GFM1: variants seen among roughly 807,000 people sequenced by gnomAD.
The protein encoded by GFM1 is elongation factor G, mitochondrial.
A neutral mutation model predicts 96.2 loss-of-function variants in GFM1; 62 were observed. That is an observed-to-expected ratio of 0.64 (90% CI 0.53 to 0.80). GFM1 has a LOEUF of 0.80. Ranked by LOEUF, GFM1 falls within the 30% of genes least tolerant of loss-of-function variation. The pLI, the probability that GFM1 is intolerant of heterozygous loss-of-function variation, is 0.00. For missense variants in GFM1, 852 were observed against 916.6 expected (o/e 0.93, Z 0.91); for synonymous variants, 282 against 312.9 (o/e 0.90, Z 1.04).
At chr3:158,672,563 G>C in intron 13 of GFM1, 1 of 1,554,404 alleles carries the variant, frequency 6.4e-7, no homozygotes, top group Non-Finnish European at 8.8e-7. Context: ...GCTTGCTGCT[G>C]GGTCCGGTTG....
intron 11 of GFM1, among the ~76,000 whole-genome samples, chr3:158,664,831 A>T (rs16829273): frequency 1.3e-5 from 2 of 152,050 alleles, no homozygotes; most frequent in Non-Finnish European, 2.9e-5. Flanking sequence ...ATTACATGGC[A>T]TCTAAGGAGA....
At position 158,672,399 on chromosome 3, in the gene GFM1, G is replaced by A. The variant is rs371457216; in HGVS notation, c.1601+6013G>A. On this transcript the variant is annotated intron_variant, in intron 13 of 17. Transcript: ENST00000486715. ...CTGCACCTCAAACACCCTGTGCGGGGTCCCCTGCTGGTAGTTGATGTAGTT... is the reference window on the plus strand; with the variant it reads ...CTGCACCTCAAACACCCTGTGCGGGATCCCCTGCTGGTAGTTGATGTAGTT... 4.0e-5 allele frequency: 64 copies of A among 1,613,964 alleles called. No individual in the cohort carries two copies. The African/African-American group carries it at 6.5e-4, about 16-fold the overall frequency.
chr3:158,684,117 C>T (rs9862964), intron 14 of GFM1, among the ~76,000 whole-genome samples: 4 of 151,944 alleles, frequency 2.6e-5, no homozygotes, highest in African/African-American at 9.7e-5. Context: ...AACCAAATAC[C>T]ACATGTTCTC....
At chr3:158,655,985 G>C (rs1264975443) in intron 8 of GFM1, 3 of 451,266 alleles carry the variant, frequency 6.6e-6, no homozygotes, top group Non-Finnish European at 1.3e-5. Context: ...CAGCTCTTTT[G>C]TAGAGTGTCC....
intron 13 of GFM1, among the ~76,000 whole-genome samples, chr3:158,675,309 AAC>A (rs1724793143): frequency 2.5e-5 from 2 of 79,958 alleles, no homozygotes; most frequent in African/African-American, 1.1e-4. Context: ...AAAAAAAAAA[AAC>A]AAGTTTTCAA....
chr3:158,666,289 C>G lies in GFM1; in HGVS notation c.1519-15C>G. ...TTTTTTTAAATTTAAATAATATTTT[C>G]CCCACTCTTTTTAGAGGCTGGAAAG... On this transcript the variant is annotated splice_polypyrimidine_tract_variant and intron_variant, in intron 12 of 17. Coordinates refer to ENST00000486715, the MANE Select transcript of GFM1 (RefSeq NM_024996.7). The G allele has an allele frequency of 6.3e-7, 1 of 1,592,758 alleles. No individual in the cohort carries two copies. Among genetic ancestry groups the G allele is most frequent in the Non-Finnish European group, 8.6e-7 (1 of 1,161,730 alleles).
chr3:158,662,667 A>G lies in GFM1; in HGVS notation c.1363A>G (p.Met455Val), dbSNP rs769036266. ...HVPDPVISIA[M>V]KPSNKNDLEK... ...TCCTGATCCTGTCATTTCAATAGCA[A>G]TGAAGCCTTCTAACAAGGTAGGAGT... Residue 455 changes from methionine to valine, a missense_variant, in exon 11 of 18, where the codon ATG becomes GTG. Physicochemically the swap from Met to Val is conservative, Grantham distance 21. Transcript: ENST00000486715. The G allele has an allele frequency of 4.4e-6, 7 of 1,597,192 alleles. No homozygotes were observed. The highest frequency in any genetic ancestry group is 1.7e-5 in the Admixed American group (1 of 59,956).
intron 6 of GFM1, among the ~76,000 whole-genome samples, chr3:158,652,774 T>G (rs1037495359): frequency 1.3e-5 from 2 of 152,248 alleles, no homozygotes; most frequent in African/African-American, 4.8e-5. Context: ...GTTAAATGTT[T>G]CGTAATAGAG....
chr3:158,672,547 C>T, intron 13 of GFM1: 1 of 1,589,514 alleles, frequency 6.3e-7, no homozygotes, highest in Non-Finnish European at 8.6e-7. Context: ...GAGCGCCGCC[C>T]GTCCTGCTTG....
intron 8 of GFM1, 64 bp from the exon 9 acceptor site, chr3:158,658,858 C>T (rs898741524): frequency 3.2e-6 from 5 of 1,568,686 alleles, no homozygotes; most frequent in Admixed American, 1.7e-5. Flanking sequence ...TGAAGCTTTC[C>T]TCAATACTTT....
rs1162985921 is a variant in GFM1, at chr3:158,653,409, T to G, written c.940T>G (p.Leu314Val). The change falls in exon 7 of 18, where the codon TTA (leucine) becomes GTA (valine). Residue 314 changes from leucine (L) to valine (V), a missense_variant. Physicochemically the swap from Leu to Val is conservative, Grantham distance 32. Transcript: ENST00000486715. Reference sequence around the variant, plus strand: ...AGTTCAGCCTCTTTTAGATGCTGTTTTAGAATACCTCCCAAATCCATCTGA... The same window carrying G: ...AGTTCAGCCTCTTTTAGATGCTGTTGTAGAATACCTCCCAAATCCATCTGA... ...KGVQPLLDAV[L>V]EYLPNPSEVQ... 1.2e-6 allele frequency: 2 copies of G among 1,613,152 alleles called. No homozygotes were observed. Among genetic ancestry groups the G allele is most frequent in the Non-Finnish European group, 8.5e-7 (1 of 1,179,192 alleles).
At chr3:158,687,296 C>T (rs940316306) in intron 15 of GFM1, among the ~76,000 whole-genome samples, 1 of 152,018 alleles carries the variant, frequency 6.6e-6, no homozygotes, top group Admixed American at 6.6e-5. Context: ...TAGGTGTGAG[C>T]CACCATGGCT....
rs199739357 is a variant in GFM1 at position 158,682,168 on chromosome 3, A to T, written c.1764+11A>T. 5.1e-4 allele frequency: 813 copies of T among 1,608,726 alleles called. 2 individuals are homozygous for T. In the African/African-American group the frequency reaches 8.8e-3, roughly 17 times the overall value. On this transcript the variant is annotated intron_variant, in intron 14 of 17. Coordinates refer to ENST00000486715, the MANE Select transcript of GFM1 (RefSeq NM_024996.7). ...CCTGCTGTAGAAAAGGTAAATTTTT[A>T]AAAAAGTGTTTTTGCATTTTTACTT...
At position 158,693,506 on chromosome 3, in the gene GFM1, AATT is replaced by A. The variant is rs1172272619; in HGVS notation, c.*2041_*2043del. 1 of 152,232 alleles carries A rather than the reference AATT, an allele frequency of 6.6e-6. No homozygotes were observed. Among genetic ancestry groups the A allele is most frequent in the Non-Finnish European group, 1.5e-5 (1 of 68,048 alleles). 9.4% of individuals were successfully genotyped at this position (152,232 alleles called of 1,614,324 possible). A position where few individuals can be genotyped will look rare whatever the true frequency, so the allele number is the denominator to read the frequency against. ...TGATTCAGGCCTAGCTGGTGGGAGT[AATT>A]AGAATAGGTTCACAAATGGACAGAT... On this transcript the variant is annotated 3_prime_UTR_variant, in exon 18 of 18. Coordinates refer to ENST00000486715, the MANE Select transcript of GFM1 (RefSeq NM_024996.7).
intron 15 of GFM1, among the ~76,000 whole-genome samples, chr3:158,686,721 GTT>G (rs67517331): frequency 2.2e-4 from 19 of 85,722 alleles, no homozygotes; most frequent in Non-Finnish European, 3.1e-4. Flanking sequence ...TTGAATTGAG[GTT>G]TTTTTTTTTT....
At chr3:158,690,515 C>T in intron 16 of GFM1, 192 bp downstream of exon 16, 1 of 587,550 alleles carries the variant, frequency 1.7e-6, no homozygotes, top group Non-Finnish European at 3.0e-6. Context: ...TTTATCTTGA[C>T]CTTTTGTGAA....
intron 13 of GFM1, among the ~76,000 whole-genome samples, chr3:158,675,285 C>CAAA (rs1172885215): frequency 4.0e-4 from 21 of 52,656 alleles, no homozygotes; most frequent in East Asian, 9.0e-4. Context: ...GACTCCATCT[C>CAAA]AAAAAAAAAA....
rs909043576 is a variant in GFM1, at chr3:158,649,298, A to C, written c.689+141A>C. On this transcript the variant is annotated intron_variant, in intron 5 of 17. Coordinates refer to ENST00000486715, the MANE Select transcript of GFM1 (RefSeq NM_024996.7). ...TACTCTGAGATGGTTTTGTTTTAATACCTTTAATCCTAGTCGCTCCCCATT... is the reference window on the plus strand; with the variant it reads ...TACTCTGAGATGGTTTTGTTTTAATCCCTTTAATCCTAGTCGCTCCCCATT... 2.8e-5 allele frequency: 16 copies of C among 574,424 alleles called. No individual in the cohort carries two copies. The African/African-American group carries it at 3.0e-4, about 11-fold the overall frequency. 35.6% of individuals were successfully genotyped at this position (574,424 alleles called of 1,614,324 possible). A position where few individuals can be genotyped will look rare whatever the true frequency, so the allele number is the denominator to read the frequency against.
At chr3:158,669,073 A>G (rs779157045) in intron 13 of GFM1, 5 of 1,613,692 alleles carry the variant, frequency 3.1e-6, no homozygotes, top group Non-Finnish European at 4.2e-6. Context: ...ATATAACCAC[A>G]GGCAACCCAG....
Sources: gnomAD v4.1 joint callset for allele counts (sites outside exome capture counted in the v4.1 genomes callset) on GRCh38, gnomAD v4.1.1 for gene constraint, MANE v1.5 for transcripts, NCBI Gene and HGNC (gene_info 2026-07-23, HGNC 2026-07-21) for gene names.